The following UBXN8 variants were observed in gnomAD, a reference collection of about 807,000 sequenced individuals.
The protein encoded by UBXN8 is UBX domain protein 8.
UBXN8 carries 27 observed loss-of-function variants against 32.1 expected under a neutral mutation model. The ratio of observed to expected loss-of-function variants is 0.84; its 90% confidence interval spans 0.62 to 1.16. The LOEUF (loss-of-function observed/expected upper bound fraction) is 1.16, where lower values mean the gene tolerates loss of function less well. Among genes scored for constraint, UBXN8 ranks in the 50% most tolerant of loss-of-function variants. UBXN8 has a pLI of 0.00. For synonymous variants in UBXN8, 109 were observed against 111.8 expected (o/e 0.98, Z 0.16); for missense variants, 306 against 311.4 (o/e 0.98, Z 0.13).
At chr8:30,739,483 G>A (rs555190228), upstream of UBXN8, among the ~76,000 whole-genome samples, 2 of 152,232 alleles carry the variant, frequency 1.3e-5, no homozygotes, top group South Asian at 4.1e-4. Context: ...GGTGGAGTTT[G>A]CAGTAAGCCG....
At chr8:30,759,575 C>G (rs751045837) in intron 5 of UBXN8, among the ~76,000 whole-genome samples, 1 of 151,786 alleles carries the variant, frequency 6.6e-6, no homozygotes, top group Non-Finnish European at 1.5e-5. Context: ...AATAGGGAAA[C>G]ATGAGTAAAT....
At chr8:30,757,405 A>T (rs988895837) in intron 5 of UBXN8, among the ~76,000 whole-genome samples, 2 of 151,562 alleles carry the variant, frequency 1.3e-5, no homozygotes, top group Admixed American at 6.6e-5. Flanking sequence ...CAAAAAAATT[A>T]GCTGGGCGTG....
At chr8:30,742,320 A>T (rs75391758), upstream of UBXN8, among the ~76,000 whole-genome samples, 2,660 of 152,296 alleles carry the variant, frequency 0.017, 33 homozygotes, top group Non-Finnish European at 0.027. Context: ...CTGCGGCCCT[A>T]GCAACAATCT....
At chr8:30,740,351 C>A (rs977497459), upstream of UBXN8, among the ~76,000 whole-genome samples, 4 of 87,438 alleles carry the variant, frequency 4.6e-5, no homozygotes, top group African/African-American at 1.8e-4. Flanking sequence ...CCAGAAGGTG[C>A]CACCCCAAGA....
rs1325879078 is a variant in UBXN8 at position 30,755,737 on chromosome 8, G to A, written c.405+950G>A. Among the ~76,000 whole-genome samples the A allele has an allele frequency of 3.3e-5, 4 of 120,040 alleles. No homozygotes were observed. The East Asian group carries it at 1.1e-3, about 34-fold the overall frequency. 78.8% of individuals were successfully genotyped at this position (120,040 alleles called of 152,430 possible). ...TGTACCACTGCACTCTAGGCTGGGA[G>A]ACAGAGCAAGACCCTTTCTCCAGAA... is the stretch of plus-strand genomic sequence containing the variant. On this transcript the variant is annotated intron_variant, in intron 4 of 7. Coordinates refer to ENST00000265616, the MANE Select transcript of UBXN8 (RefSeq NM_005671.4).
intron 1 of UBXN8, among the ~76,000 whole-genome samples, chr8:30,750,333 G>A (rs573250484): frequency 6.6e-6 from 1 of 152,240 alleles, no homozygotes; most frequent in African/African-American, 2.4e-5. Context: ...TTAGCCGGGT[G>A]TGGTGGTACG....
rs868348390 is a variant in UBXN8 at position 30,763,292 on chromosome 8, G to C, written c.590G>C (p.Arg197Pro). 2 of 1,613,808 alleles carry C rather than the reference G, an allele frequency of 1.2e-6. No homozygotes were observed. The highest frequency in any genetic ancestry group is 8.5e-7 in the Non-Finnish European group (1 of 1,179,716). ...CCTTAGGTAGTTACTGTTGCTCTCCGATGTCCCAGTGGGAATGTCCTGAGG... is the reference window on the plus strand; with the variant it reads ...CCTTAGGTAGTTACTGTTGCTCTCCCATGTCCCAGTGGGAATGTCCTGAGG... ...TAEEVVTVAL[R>P]CPSGNVLRRR... Residue 197 changes from arginine (R) to proline (P), a missense_variant, in exon 7 of 8, where the codon CGA (arginine) becomes CCA (proline). By Grantham distance (103) the Arg-to-Pro change is moderately radical (BLOSUM62 -2). Coordinates refer to ENST00000265616, the MANE Select transcript of UBXN8 (RefSeq NM_005671.4).
At chr8:30,743,725 G>A (rs1009574909), upstream of UBXN8, among the ~76,000 whole-genome samples, 3 of 152,218 alleles carry the variant, frequency 2.0e-5, no homozygotes, top group African/African-American at 4.8e-5. Flanking sequence ...CAGAGACTGC[G>A]GACGGGGCCA....
chr8:30,746,415 C>G (rs772071980), intron 1 of UBXN8, among the ~76,000 whole-genome samples: 2 of 151,804 alleles, frequency 1.3e-5, no homozygotes, highest in Non-Finnish European at 2.9e-5. Context: ...GCTGGTTATG[C>G]CTATACTGAT....
Position 30,760,934 on chromosome 8 carries a change from G to A in UBXN8, c.570+5G>A. On this transcript the variant is annotated splice_donor_5th_base_variant and intron_variant, in intron 6 of 7. Coordinates refer to ENST00000265616, the MANE Select transcript of UBXN8 (RefSeq NM_005671.4). ...CCTTCTCAAACAGCAGAAGAAGTAA[G>A]TCTATTTTTCTCTTCGAAAATTAAA... The A allele has an allele frequency of 3.3e-6, 5 of 1,521,268 alleles. No individual in the cohort carries two copies. The highest frequency in any genetic ancestry group is 4.4e-6 in the Non-Finnish European group (5 of 1,129,550). The allele number at this position is 1,521,268 out of a possible 1,614,324, so 94.2% of individuals were successfully genotyped here.
chr8:30,760,238 T>C lies in UBXN8; in HGVS notation c.529-650T>C, dbSNP rs779451578. On this transcript the variant is annotated intron_variant, in intron 5 of 7. Transcript: ENST00000265616. ...CCATCATGCCTGATAATTTTTGTAT[T>C]TTTGTAGAGACGGGGTTTCACCATG... Among the ~76,000 whole-genome samples the C allele has an allele frequency of 6.6e-4, 98 of 148,598 alleles. 1 individual carries two copies. The highest frequency in any genetic ancestry group is 1.2e-3 in the Non-Finnish European group (79 of 67,110).
intron 1 of UBXN8, among the ~76,000 whole-genome samples, chr8:30,749,865 A>G (rs1414241435): frequency 6.6e-6 from 1 of 152,028 alleles, no homozygotes; most frequent in African/African-American, 2.4e-5. Context: ...CGGCCTCCCA[A>G]AGTGCTGGGA....
chr8:30,765,252 T>C (rs2128757348), intron 7 of UBXN8, among the ~76,000 whole-genome samples: 1 of 151,982 alleles, frequency 6.6e-6, no homozygotes, highest in East Asian at 2.0e-4. Flanking sequence ...AGATCAGTGT[T>C]CCTGACAGAT....
At chr8:30,759,310 A>G (rs1805761733) in intron 5 of UBXN8, among the ~76,000 whole-genome samples, 1 of 151,948 alleles carries the variant, frequency 6.6e-6, no homozygotes, top group Non-Finnish European at 1.5e-5. Flanking sequence ...GTCATGGCTC[A>G]CTGCAATCTC....
chr8:30,757,862 A>AG (rs1312732414), intron 5 of UBXN8, among the ~76,000 whole-genome samples: 5 of 150,468 alleles, frequency 3.3e-5, no homozygotes, highest in African/African-American at 1.2e-4. Flanking sequence ...TCCGTCTCAA[A>AG]AAAAAAAAAA....
chr8:30,756,813 GC>G lies in UBXN8; in HGVS notation c.455del (p.Ala152GlufsTer11), dbSNP rs756111403. On this transcript the variant is annotated frameshift_variant, in exon 5 of 8. Coordinates refer to ENST00000265616, the MANE Select transcript of UBXN8 (RefSeq NM_005671.4). LOFTEE classifies it high-confidence loss of function. ...QTSFETSNRE[A>X]AKSQNLPKPL... Reference sequence around the variant, plus strand: ...ATCTTTTGAAACATCAAACAGAGAAGCAGCAAAGAGCCAGAACTTGCCTAAA... The same window carrying G: ...ATCTTTTGAAACATCAAACAGAGAAGAGCAAAGAGCCAGAACTTGCCTAAA... 1 of 1,614,042 alleles carries G rather than the reference GC, an allele frequency of 6.2e-7. No individual in the cohort carries two copies. The highest frequency in any genetic ancestry group is 8.5e-7 in the Non-Finnish European group (1 of 1,179,902).
chr8:30,745,842 G>A lies in UBXN8; in HGVS notation c.88+1565G>A, dbSNP rs191384849. ...TGGCTTACTGTAGCCTGGACTTCCC[G>A]GCTCAAGTGATCCTCCCACCTCAGC... On this transcript the variant is annotated intron_variant, in intron 1 of 7. Coordinates refer to ENST00000265616, the MANE Select transcript of UBXN8 (RefSeq NM_005671.4). Among the ~76,000 whole-genome samples the A allele has an allele frequency of 2.9e-3, 444 of 152,290 alleles. 3 individuals carry two copies. Among genetic ancestry groups the A allele is most frequent in the African/African-American group, 0.01 (416 of 41,570 alleles).
intron 1 of UBXN8, among the ~76,000 whole-genome samples, chr8:30,744,646 A>G (rs1187157340): frequency 6.6e-6 from 1 of 152,270 alleles, no homozygotes; most frequent in East Asian, 1.9e-4. Flanking sequence ...TATGTTGCCC[A>G]GGCTGGTCTC....
chr8:30,730,503 C>T (rs1018619220), upstream of UBXN8, among the ~76,000 whole-genome samples: 2 of 152,128 alleles, frequency 1.3e-5, no homozygotes, highest in Admixed American at 6.6e-5. Context: ...GGAACATGCA[C>T]CGGCTGATTA....
Sources: gnomAD v4.1 joint callset for allele counts (sites outside exome capture counted in the v4.1 genomes callset) on GRCh38, gnomAD v4.1.1 for gene constraint, MANE v1.5 for transcripts, NCBI Gene and HGNC (gene_info 2026-07-23, HGNC 2026-07-21) for gene names.